Variants in DNAI4 observed in about 807,000 individuals in gnomAD.
DNAI4 encodes the protein WD repeat domain 78.
Under a neutral mutation model 105.8 loss-of-function variants are expected in DNAI4, and 85 were observed. The ratio of observed to expected loss-of-function variants is 0.80; its 90% CI spans 0.67 to 0.96. The LOEUF (loss-of-function observed/expected upper bound fraction) is 0.96. DNAI4 is among the 40% of genes least tolerant of loss of function. The pLI, the probability that DNAI4 is intolerant of heterozygous loss-of-function variation, is 0.00. For synonymous variants in DNAI4, 352 were observed against 331.5 expected, an observed-to-expected ratio of 1.06 and a Z score of -0.67; for missense variants, 1,014 against 1,005.6, an observed-to-expected ratio of 1.01 and a Z score of -0.11.
chr1:66,902,306 A>C (rs1438703365), intron 2 of DNAI4, among the ~76,000 whole-genome samples: 1 of 151,912 alleles, frequency 6.6e-6, no homozygotes, highest in Non-Finnish European at 1.5e-5. Context: ...GCATTTCCCT[A>C]ATGTTTAGTG....
intron 4 of DNAI4, among the ~76,000 whole-genome samples, chr1:66,881,499 T>G (rs1219057228): frequency 2.0e-5 from 3 of 152,248 alleles, no homozygotes; most frequent in African/African-American, 7.2e-5. Flanking sequence ...TTTTAAAATT[T>G]GACTGCCCTG....
chr1:66,923,297 C>T lies in DNAI4; in HGVS notation c.170+1365G>A, dbSNP rs117093360. Among the ~76,000 whole-genome samples the T allele has an allele frequency of 1.1e-3, 165 of 152,236 alleles. 3 individuals carry two copies. In the East Asian group the frequency reaches 0.027, roughly 25 times the overall value. The stretch of plus-strand genomic sequence containing the variant: ...TAGCTTAGGTGTACAGTCTACTATA[C>T]AATTGTAGCCTAGGTGTATAGTAGC... On this transcript the variant is annotated intron_variant, in intron 1 of 16. Transcript: ENST00000371026.
At chr1:66,887,144 T>C (rs1370116188) in intron 4 of DNAI4, among the ~76,000 whole-genome samples, 2 of 152,180 alleles carry the variant, frequency 1.3e-5, no homozygotes, top group African/African-American at 2.4e-5. Flanking sequence ...CTCTTTCCCA[T>C]GATTGTGCTC....
chr1:66,893,079 AAGAAAG>A (rs1647943766), intron 3 of DNAI4, 144 bp downstream of exon 3: 1 of 376,710 alleles, frequency 2.7e-6, no homozygotes. Flanking sequence ...GAAAGAAAGA[AAGAAAG>A]AAAGAAAGAA....
chr1:66,865,228 G>A (rs1424260770), intron 6 of DNAI4, among the ~76,000 whole-genome samples: 1 of 152,078 alleles, frequency 6.6e-6, no homozygotes, highest in African/African-American at 2.4e-5. Flanking sequence ...TTTGAGACCA[G>A]CCTGGCCAAC....
At chr1:66,864,859 G>A (rs1646699260) in intron 6 of DNAI4, among the ~76,000 whole-genome samples, 1 of 152,186 alleles carries the variant, frequency 6.6e-6, no homozygotes, top group African/African-American at 2.4e-5. Flanking sequence ...GCAAGGTAAT[G>A]ATCAACCCAA....
intron 4 of DNAI4, among the ~76,000 whole-genome samples, chr1:66,886,714 G>A (rs1647212241): frequency 6.6e-6 from 1 of 152,124 alleles, no homozygotes; most frequent in South Asian, 2.1e-4. Flanking sequence ...TAGTTAACCT[G>A]TGTCTTGGAG....
intron 2 of DNAI4, among the ~76,000 whole-genome samples, chr1:66,901,811 G>A (rs748726635): frequency 7.9e-5 from 12 of 152,172 alleles, no homozygotes; most frequent in Non-Finnish European, 1.8e-4. Context: ...TTTTGAGAAA[G>A]GATATAGCTC....
intron 1 of DNAI4, among the ~76,000 whole-genome samples, chr1:66,920,037 G>C (rs774365636): frequency 1.1e-4 from 17 of 152,200 alleles, no homozygotes; most frequent in Non-Finnish European, 2.1e-4. Context: ...CCCAAAGTGA[G>C]AACATACATC....
chr1:66,898,637 G>A (rs1263391731), intron 2 of DNAI4, among the ~76,000 whole-genome samples: 1 of 152,136 alleles, frequency 6.6e-6, no homozygotes, highest in Non-Finnish European at 1.5e-5. Flanking sequence ...CCCCACTAGC[G>A]AGGAGATCCT....
intron 11 of DNAI4, 48 bp from the exon 12 acceptor site, chr1:66,834,196 C>G: frequency 6.9e-7 from 1 of 1,459,430 alleles, no homozygotes; most frequent in Non-Finnish European, 9.2e-7. Flanking sequence ...ATAATAATTT[C>G]TTAAAGGCCT....
At chr1:66,836,331 A>AGTAGG (rs1646026598) in intron 10 of DNAI4, among the ~76,000 whole-genome samples, 1 of 150,870 alleles carries the variant, frequency 6.6e-6, no homozygotes, top group Non-Finnish European at 1.5e-5. Context: ...AAAGAAGGAA[A>AGTAGG]GAGGGAAGGA....
intron 11 of DNAI4, among the ~76,000 whole-genome samples, chr1:66,835,055 A>T (rs1202296737): frequency 6.6e-6 from 1 of 152,074 alleles, no homozygotes; most frequent in Non-Finnish European, 1.5e-5. Flanking sequence ...CTTTCCTCAT[A>T]TGACTCATTT....
At position 66,826,952 on chromosome 1, in the gene DNAI4, T is replaced by G; in HGVS notation, c.2207A>C (p.Asn736Thr). 6.2e-7 allele frequency: 1 copy of G among 1,614,168 alleles called. No homozygotes were observed. Among genetic ancestry groups the G allele is most frequent in the Non-Finnish European group, 8.5e-7 (1 of 1,180,030 alleles). ...ATAAAAACTCAAAGATGGCTTGACA[T>G]TCTCCTGTTGCCATATAATAACACC... ...DWGVIIWQQENVKPSLSFYPA... is the reference protein window; with the variant it reads ...DWGVIIWQQETVKPSLSFYPA... The change falls in exon 15 of 17, where the codon AAT (asparagine) becomes ACT (threonine). Residue 736 changes from asparagine to threonine, a missense_variant. By Grantham distance (65) the Asn-to-Thr change is moderately conservative (BLOSUM62 0). Coordinates refer to ENST00000371026, the MANE Select transcript of DNAI4 (RefSeq NM_024763.5).
At chr1:66,829,857 A>G (rs1304666408) in intron 13 of DNAI4, among the ~76,000 whole-genome samples, 1 of 152,204 alleles carries the variant, frequency 6.6e-6, no homozygotes, top group African/African-American at 2.4e-5. Context: ...TTCAGTTTAT[A>G]AAAAGTATTT....
chr1:66,924,651 C>T lies in DNAI4; in HGVS notation c.170+11G>A. 6.2e-7 allele frequency: 1 copy of T among 1,614,232 alleles called. No homozygotes were observed. The highest frequency in any genetic ancestry group is 8.5e-7 in the Non-Finnish European group (1 of 1,180,038). The stretch of plus-strand genomic sequence containing the variant: ...GGGGGATGGACTACGGTTTTTAGCG[C>T]CGGAACTTACAACCCGAAGTTCTGC... On this transcript the variant is annotated intron_variant, in intron 1 of 16. Transcript: ENST00000371026.
chr1:66,864,870 A>G (rs917758915), intron 6 of DNAI4, among the ~76,000 whole-genome samples: 11 of 152,096 alleles, frequency 7.2e-5, no homozygotes, highest in South Asian at 4.1e-4. Flanking sequence ...ATCAACCCAA[A>G]AGTTAGGAGA....
In DNAI4 at chr1:66,833,360, A is replaced by G. The variant is rs373586767; in HGVS notation, c.2013+225T>C. ...AGAACAGTTTCATCATCCCCCAAAAAACTCTATTATCATTAGTAAGTCATT... is the reference window on the plus strand; with the variant it reads ...AGAACAGTTTCATCATCCCCCAAAAGACTCTATTATCATTAGTAAGTCATT... On this transcript the variant is annotated intron_variant, in intron 13 of 16. Transcript: ENST00000371026. Among the ~76,000 whole-genome samples, 62 of 152,214 alleles carry G rather than the reference A, an allele frequency of 4.1e-4. No individual in the cohort carries two copies. In the South Asian group the frequency reaches 0.012, roughly 31 times the overall value.
intron 1 of DNAI4, among the ~76,000 whole-genome samples, chr1:66,907,874 A>C (rs1649377082): frequency 1.3e-5 from 2 of 152,050 alleles, no homozygotes; most frequent in Admixed American, 1.3e-4. Context: ...TTTCCAGCTT[A>C]AATACCCTCT....
Sources: allele counts gnomAD v4.1 joint callset (sites outside exome capture counted in the v4.1 genomes callset), GRCh38; gene constraint gnomAD v4.1.1; transcripts MANE v1.5; gene names NCBI Gene and HGNC (gene_info 2026-07-23, HGNC 2026-07-21).